RP1: variants seen among roughly 807,000 people sequenced by gnomAD.
RP1 encodes RP1 axonemal microtubule associated.
RP1 carries 16 observed loss-of-function variants against 14.8 expected under a neutral mutation model. The ratio of observed to expected loss-of-function variants is 1.08; its 90% CI spans 0.73 to 1.65. The LOEUF (loss-of-function observed/expected upper bound fraction) is 1.65. Ranked by LOEUF, RP1 falls within the 40% of genes most tolerant of loss-of-function variation. The pLI is 0.00. For missense variants in RP1, 2,631 were observed against 2,535.0 expected (o/e 1.04, Z -0.81); for synonymous variants, 876 against 883.6 (o/e 0.99, Z 0.15).
At chr8:54,589,655 T>A (rs1296561704) in intron 1 of RP1, among the ~76,000 whole-genome samples, 2 of 152,180 alleles carry the variant, frequency 1.3e-5, no homozygotes, top group African/African-American at 4.8e-5. Flanking sequence ...CTTCCAGCCT[T>A]GTATTTTTAG....
chr8:54,751,472 G>A (rs892448479), intron 19 of RP1, among the ~76,000 whole-genome samples: 3 of 152,136 alleles, frequency 2.0e-5, no homozygotes, highest in African/African-American at 7.2e-5. Flanking sequence ...TTACAAGACT[G>A]CTGTTGCTCA....
intron 1 of RP1, among the ~76,000 whole-genome samples, chr8:54,609,175 C>G (rs1289778478): frequency 6.6e-6 from 1 of 152,060 alleles, no homozygotes; most frequent in African/African-American, 2.4e-5. Flanking sequence ...AGTCTCCTGG[C>G]CAGCCTGCAT....
intron 24 of RP1, among the ~76,000 whole-genome samples, chr8:54,821,022 A>G (rs1165564233): frequency 6.6e-6 from 1 of 152,202 alleles, no homozygotes; most frequent in African/African-American, 2.4e-5. Flanking sequence ...ATAAAAAGCC[A>G]TATTTAAAGC....
chr8:54,590,397 C>G (rs1042051157), intron 1 of RP1, among the ~76,000 whole-genome samples: 1 of 152,148 alleles, frequency 6.6e-6, no homozygotes, highest in African/African-American at 2.4e-5. Flanking sequence ...TGGCCATTGT[C>G]AAGCTCACCA....
intron 24 of RP1, among the ~76,000 whole-genome samples, chr8:54,788,163 G>C (rs1810373289): frequency 6.6e-6 from 1 of 152,186 alleles, no homozygotes; most frequent in Admixed American, 6.5e-5. Context: ...GATGGCTGGT[G>C]GGTGGCTATT....
At chr8:54,839,749 A>G (rs1298108969) in intron 25 of RP1, among the ~76,000 whole-genome samples, 1 of 152,212 alleles carries the variant, frequency 6.6e-6, no homozygotes, top group East Asian at 1.9e-4. Context: ...TTAGAATGGC[A>G]CAGAACACAT....
At chr8:54,823,888 T>C (rs1345142712) in intron 24 of RP1, among the ~76,000 whole-genome samples, 2 of 152,240 alleles carry the variant, frequency 1.3e-5, no homozygotes, top group Non-Finnish European at 2.9e-5. Context: ...GACTGTACTA[T>C]TTTATCTCCA....
intron 1 of RP1, among the ~76,000 whole-genome samples, chr8:54,620,551 T>C (rs1351144705): frequency 3.3e-5 from 5 of 152,218 alleles, no homozygotes; most frequent in Non-Finnish European, 7.3e-5. Context: ...TACGTATACA[T>C]TTAAATCAGT....
At position 54,599,523 on chromosome 8, in the gene RP1, G is replaced by A. The variant is rs144870453; in HGVS notation, c.-12-21432G>A. ...GCCCAGGCTGGAATGCGGTGGCACCGTCTCGGCTCACTGCAACCTCTGTCT... is the reference window on the plus strand; with the variant it reads ...GCCCAGGCTGGAATGCGGTGGCACCATCTCGGCTCACTGCAACCTCTGTCT... On this transcript the variant is annotated intron_variant, in intron 1 of 22. Transcript: ENST00000636932. Among the ~76,000 whole-genome samples, 1,143 of 151,084 alleles carry A rather than the reference G, an allele frequency of 7.6e-3. 3 individuals are homozygous for A. Among genetic ancestry groups the A allele is most frequent in the Middle Eastern group, 0.027 (8 of 292 alleles).
At chr8:54,646,479 A>T (rs1806552664) in intron 3 of RP1, among the ~76,000 whole-genome samples, 1 of 152,126 alleles carries the variant, frequency 6.6e-6, no homozygotes, top group African/African-American at 2.4e-5. Context: ...ACATCATCTT[A>T]TGTTTTTCAT....
At chr8:54,770,051 TTTC>T, downstream of RP1, 1 of 446,092 alleles carries the variant, frequency 2.2e-6, no homozygotes. Flanking sequence ...TAAACTCACG[TTTC>T]TTCTTTTCCC....
chr8:54,863,162 G>T (rs2129329124), intron 27 of RP1, among the ~76,000 whole-genome samples: 1 of 150,668 alleles, frequency 6.6e-6, no homozygotes, highest in African/African-American at 2.4e-5. Flanking sequence ...TCATGGAGTT[G>T]AAAAATTCCT....
At chr8:54,857,381 A>T (rs1187106319) in intron 27 of RP1, among the ~76,000 whole-genome samples, 1 of 148,074 alleles carries the variant, frequency 6.8e-6, no homozygotes, top group Non-Finnish European at 1.5e-5. Context: ...ATTTAATGTA[A>T]ATATTTAATG....
chr8:54,698,202 AC>A (rs1410002809), intron 12 of RP1, among the ~76,000 whole-genome samples: 1 of 152,242 alleles, frequency 6.6e-6, no homozygotes, highest in South Asian at 2.1e-4. Context: ...CAAGAAAAAA[AC>A]AACCCCATCA....
At chr8:54,728,161 A>T (rs181121211) in intron 17 of RP1, among the ~76,000 whole-genome samples, 1 of 152,234 alleles carries the variant, frequency 6.6e-6, no homozygotes, top group East Asian at 1.9e-4. Context: ...ATAAGCACCC[A>T]TGATTTTAAG....
chr8:54,610,526 C>T (rs1398392715), intron 1 of RP1, among the ~76,000 whole-genome samples: 3 of 152,146 alleles, frequency 2.0e-5, no homozygotes, highest in African/African-American at 7.2e-5. Flanking sequence ...CAGTATACTG[C>T]CTACTTGATA....
intron 25 of RP1, among the ~76,000 whole-genome samples, chr8:54,841,560 T>G (rs1811790530): frequency 6.6e-6 from 1 of 152,184 alleles, no homozygotes; most frequent in African/African-American, 2.4e-5. Context: ...TCATCATTCT[T>G]TGGGGGCTGA....
chr8:54,619,700 A>C (rs1376500166), intron 1 of RP1, among the ~76,000 whole-genome samples: 2 of 152,248 alleles, frequency 1.3e-5, no homozygotes, highest in Non-Finnish European at 2.9e-5. Flanking sequence ...CAGTTTTAGC[A>C]GCCCATAGCA....
chr8:54,691,375 A>C (rs1008035190), intron 12 of RP1, among the ~76,000 whole-genome samples: 2 of 152,076 alleles, frequency 1.3e-5, no homozygotes, highest in East Asian at 3.9e-4. Context: ...TTATTCATTG[A>C]GTCACTAACT....
Sources: gnomAD v4.1 joint callset for allele counts (sites outside exome capture counted in the v4.1 genomes callset) on GRCh38, gnomAD v4.1.1 for gene constraint, MANE v1.5 for transcripts, NCBI Gene and HGNC (gene_info 2026-07-23, HGNC 2026-07-21) for gene names.